PPP6R2: variants seen among roughly 807,000 people sequenced by gnomAD.
PPP6R2 encodes the protein protein phosphatase 6 regulatory subunit 2.
A neutral mutation model predicts 100.2 loss-of-function variants in PPP6R2; 62 were observed. That is an observed-to-expected ratio of 0.62 (90% CI 0.50 to 0.76). The LOEUF is 0.76. Among genes scored for constraint, PPP6R2 ranks in the 30% least tolerant of loss-of-function variants. The pLI is 0.00. For synonymous variants in PPP6R2, 525 were observed against 514.7 expected, an observed-to-expected ratio of 1.02 and a Z score of -0.27; for missense variants, 1,142 against 1,276.3, an observed-to-expected ratio of 0.89 and a Z score of 1.60.
chr22:50,376,073 TC>T (rs996274316), intron 2 of PPP6R2, among the ~76,000 whole-genome samples: 12 of 151,798 alleles, frequency 7.9e-5, no homozygotes, highest in Middle Eastern at 3.2e-3. Flanking sequence ...CCTCAGGTGA[TC>T]CGCCTGCAGA....
chr22:50,338,373 ATGGTATATAGTGTCTGTGGTATGTG>A (rs2042327121), upstream of PPP6R2, among the ~76,000 whole-genome samples: 1 of 83,218 alleles, frequency 1.2e-5, no homozygotes, highest in African/African-American at 5.4e-5. Flanking sequence ...TGGTGTGTGT[ATGGTATATAGTGTCTGTGGTATGTG>A]GTGTGTGTGG....
intron 3 of PPP6R2, among the ~76,000 whole-genome samples, chr22:50,405,967 GGCGAGAGGCCTGGAGAGAA>G: frequency 6.8e-6 from 1 of 146,420 alleles, no homozygotes; most frequent in South Asian, 2.2e-4. Context: ...CCTGGAGAGA[GGCGAGAGGCCTGGAGAGAA>G]GTGAGAGACC....
chr22:50,342,193 A>G (rs975800799), upstream of PPP6R2, among the ~76,000 whole-genome samples: 2 of 152,174 alleles, frequency 1.3e-5, no homozygotes, highest in Non-Finnish European at 2.9e-5. Context: ...GACCATGGTG[A>G]GGGCAGGAGA....
At chr22:50,394,285 C>A in intron 3 of PPP6R2, 150 bp downstream of exon 3, 5 of 1,251,112 alleles carry the variant, frequency 4.0e-6, no homozygotes, top group Non-Finnish European at 4.4e-6. Flanking sequence ...AGGGCACTCC[C>A]ATGGGGTCTG....
intron 13 of PPP6R2, among the ~76,000 whole-genome samples, chr22:50,435,901 A>G (rs2064129707): frequency 6.6e-6 from 1 of 152,172 alleles, no homozygotes; most frequent in African/African-American, 2.4e-5. Context: ...CAGATTGTGA[A>G]TCCTTCCAGG....
At chr22:50,337,947 T>TAG in the PPP6R2 span, among the ~76,000 whole-genome samples, 1 of 128,216 alleles carries the variant, frequency 7.8e-6, no homozygotes, top group Non-Finnish European at 1.6e-5. Context: ...CATGTGTGTG[T>TAG]GATGTGTGTG....
At chr22:50,367,358 A>G (rs966210343) in intron 1 of PPP6R2, among the ~76,000 whole-genome samples, 2 of 152,146 alleles carry the variant, frequency 1.3e-5, no homozygotes, top group Non-Finnish European at 2.9e-5. Flanking sequence ...ATGATAAGAA[A>G]GCGATTGAAG....
chr22:50,378,618 T>C (rs1324907132), intron 2 of PPP6R2, among the ~76,000 whole-genome samples: 2 of 151,962 alleles, frequency 1.3e-5, no homozygotes, highest in African/African-American at 4.8e-5. Flanking sequence ...TGAATGTTTA[T>C]GTCCCTCCAG....
chr22:50,332,887 G>T, the PPP6R2 span, among the ~76,000 whole-genome samples: 1 of 152,190 alleles, frequency 6.6e-6, no homozygotes, highest in Non-Finnish European at 1.5e-5. Flanking sequence ...CTCCCCATGG[G>T]CTGGGATTAC....
At chr22:50,367,901 C>T (rs930559797) in intron 1 of PPP6R2, among the ~76,000 whole-genome samples, 6 of 152,112 alleles carry the variant, frequency 3.9e-5, no homozygotes, top group South Asian at 2.1e-4. Context: ...TGCCTGGCTG[C>T]GCTGTTATTT....
chr22:50,375,089 T>C (rs189353409), intron 2 of PPP6R2, among the ~76,000 whole-genome samples: 3 of 152,186 alleles, frequency 2.0e-5, no homozygotes, highest in Admixed American at 1.3e-4. Flanking sequence ...TGGAAGCCAG[T>C]AGAGAGTAGA....
At chr22:50,442,642 C>T (rs1422225423) in intron 22 of PPP6R2, among the ~76,000 whole-genome samples, 6 of 152,098 alleles carry the variant, frequency 3.9e-5, no homozygotes, top group Non-Finnish European at 5.9e-5. Context: ...CTCCGCCTCC[C>T]GGGTTCACGC....
chr22:50,363,625 C>T (rs998222783), intron 1 of PPP6R2, among the ~76,000 whole-genome samples: 5 of 152,186 alleles, frequency 3.3e-5, no homozygotes, highest in Non-Finnish European at 5.9e-5. Context: ...AAGCCAGCTC[C>T]GCTGTCCGCA....
intron 2 of PPP6R2, among the ~76,000 whole-genome samples, chr22:50,373,655 G>A (rs536308415): frequency 6.6e-6 from 1 of 152,084 alleles, no homozygotes; most frequent in South Asian, 2.1e-4. Flanking sequence ...AGGCTGAAAG[G>A]AACCTCTCAC....
chr22:50,380,371 T>A (rs1411840602), intron 2 of PPP6R2, among the ~76,000 whole-genome samples: 1 of 147,246 alleles, frequency 6.8e-6, no homozygotes, highest in Non-Finnish European at 1.5e-5. Flanking sequence ...CGCCTGATGT[T>A]TTTTTTTTTG....
chr22:50,341,157 C>A (rs1339598172), upstream of PPP6R2, among the ~76,000 whole-genome samples: 1 of 152,156 alleles, frequency 6.6e-6, no homozygotes, highest in Non-Finnish European at 1.5e-5. Context: ...AATGATCCAC[C>A]CGCCTCGGCT....
At position 50,444,303 on chromosome 22, in the gene PPP6R2, A is replaced by G. The variant is rs1034090121; in HGVS notation, c.*56A>G. On this transcript the variant is annotated 3_prime_UTR_variant, in exon 24 of 24. Coordinates refer to ENST00000612753, the MANE Select transcript of PPP6R2 (RefSeq NM_001242898.2). ...GGTCAGGCTGCCTCCTTAATCGAGAAAACTACCTGGTGATGCAATCTTTTT... is the reference window on the plus strand; with the variant it reads ...GGTCAGGCTGCCTCCTTAATCGAGAGAACTACCTGGTGATGCAATCTTTTT... 23 of 1,554,768 alleles carry G rather than the reference A, an allele frequency of 1.5e-5. No individual in the cohort carries two copies. Among genetic ancestry groups the G allele is most frequent in the Non-Finnish European group, 1.8e-5 (21 of 1,144,732 alleles).
intron 22 of PPP6R2, among the ~76,000 whole-genome samples, chr22:50,442,765 T>G (rs899367328): frequency 2.8e-4 from 43 of 151,644 alleles, no homozygotes; most frequent in East Asian, 9.9e-4. Flanking sequence ...TGTTAGCCAG[T>G]ATGGTCTCGA....
chr22:50,410,504 T>G (rs1381113813), intron 4 of PPP6R2, among the ~76,000 whole-genome samples: 1 of 139,636 alleles, frequency 7.2e-6, no homozygotes, highest in Non-Finnish European at 1.5e-5. Context: ...TGAGACGGAG[T>G]CTTGCTCTGT....
Sources: gnomAD v4.1 joint callset for allele counts (sites outside exome capture counted in the v4.1 genomes callset) on GRCh38, gnomAD v4.1.1 for gene constraint, MANE v1.5 for transcripts, NCBI Gene and HGNC (gene_info 2026-07-23, HGNC 2026-07-21) for gene names.